PTCD1: variants seen among roughly 807,000 people sequenced by gnomAD.
The protein encoded by PTCD1 is pentatricopeptide repeat domain 1.
PTCD1 carries 50 observed loss-of-function variants against 53.4 expected under a neutral mutation model. That is an observed-to-expected ratio of 0.94 (90% CI 0.75 to 1.19). The LOEUF is 1.19. Ranked by LOEUF, PTCD1 falls within the 50% of genes most tolerant of loss-of-function variation. The pLI is 0.00. For synonymous variants in PTCD1, 413 were observed against 394.8 expected (o/e 1.05, Z -0.55); for missense variants, 918 against 904.8 (o/e 1.01, Z -0.19).
At chr7:99,421,842 G>A (rs1795836750) in intron 7 of PTCD1, among the ~76,000 whole-genome samples, 1 of 152,186 alleles carries the variant, frequency 6.6e-6, no homozygotes, top group Non-Finnish European at 1.5e-5. Flanking sequence ...TATACATTCA[G>A]TAGAAACTAA....
intron 2 of PTCD1, among the ~76,000 whole-genome samples, chr7:99,433,806 C>G (rs1015352619): frequency 6.6e-6 from 1 of 152,128 alleles, no homozygotes; most frequent in Non-Finnish European, 1.5e-5. Context: ...GTAATCCCAG[C>G]ACTTTGGGAG....
Position 99,417,611 on chromosome 7 carries a change from C to G in PTCD1, c.*2356G>C. On this transcript the variant is annotated 3_prime_UTR_variant, in exon 8 of 8. Coordinates refer to ENST00000292478, the MANE Select transcript of PTCD1 (RefSeq NM_015545.4). ...GCTGGAAGTGGTAATGTCTGACACT[C>G]AAGCTTGGTGTTGTTTTCAGCTCAA... 3.7e-6 allele frequency: 6 copies of G among 1,609,300 alleles called. No individual in the cohort carries two copies. Among genetic ancestry groups the G allele is most frequent in the Non-Finnish European group, 5.1e-6 (6 of 1,179,970 alleles).
At position 99,420,080 on chromosome 7, in the gene PTCD1, C is replaced by G; in HGVS notation, c.1990G>C (p.Val664Leu). The G allele has an allele frequency of 1.2e-6, 2 of 1,614,242 alleles. No homozygotes were observed. The highest frequency in any genetic ancestry group is 2.2e-5 in the South Asian group (2 of 91,092). The change falls in exon 8 of 8, where the codon GTG (valine) becomes CTG (leucine). Residue 664 changes from valine (V) to leucine (L), a missense_variant. Transcript: ENST00000292478. ...TGCGGGGTTTCCTCTGCGGGCATCA[C>G]TGTCAGCCACTGCTTGTAATAGGCT... is the stretch of plus-strand genomic sequence containing the variant. ...FRAYYKQWLTVMPAEETPHPW... is the reference protein window; with the variant it reads ...FRAYYKQWLTLMPAEETPHPW...
At chr7:99,434,721 AC>A in intron 2 of PTCD1, 68 bp downstream of exon 2, 1 of 1,596,306 alleles carries the variant, frequency 6.3e-7, no homozygotes, top group African/African-American at 1.3e-5. Context: ...AAGTCAGGTG[AC>A]CCCTTGCAAA....
chr7:99,423,839 G>A lies in PTCD1; in HGVS notation c.1856C>T (p.Pro619Leu), dbSNP rs374595581. The change falls in exon 7 of 8, where the codon CCG (proline) becomes CTG (leucine). Residue 619 changes from proline to leucine, a missense_variant. By Grantham distance (98) the Pro-to-Leu change is moderately conservative (BLOSUM62 -3). Coordinates refer to ENST00000292478, the MANE Select transcript of PTCD1 (RefSeq NM_015545.4). ...ILKDMKQNRV[P>L]VNEVVIRQLE... Reference sequence around the variant, plus strand: ...CTGGCGGATGACCACTTCGTTCACCGGGACCCTGTTCTGCTTCATGTCCTT... The same window carrying A: ...CTGGCGGATGACCACTTCGTTCACCAGGACCCTGTTCTGCTTCATGTCCTT... 49 of 1,614,046 alleles carry A rather than the reference G, an allele frequency of 3.0e-5. No homozygotes were observed. The highest frequency in any genetic ancestry group is 5.0e-5 in the Admixed American group (3 of 60,002).
Position 99,424,792 on chromosome 7 carries a change from C to A in PTCD1, c.1737+3G>T. On this transcript the variant is annotated splice_donor_region_variant and intron_variant, in intron 6 of 7. Transcript: ENST00000292478. ...TGTCCTGCCCAGGCCCGAGTCCACT[C>A]ACCTTCATGTCTGTGAGAAGCTGTA... 7 of 1,614,174 alleles carry A rather than the reference C, an allele frequency of 4.3e-6. No individual in the cohort carries two copies. The highest frequency in any genetic ancestry group is 5.1e-6 in the Non-Finnish European group (6 of 1,180,030).
rs1431399067 is a variant in PTCD1 at position 99,417,454 on chromosome 7, A to C, written c.*2513T>G. The C allele has an allele frequency of 6.2e-7, 1 of 1,613,558 alleles. No homozygotes were observed. Among genetic ancestry groups the C allele is most frequent in the African/African-American group, 1.3e-5 (1 of 74,900 alleles). ...AACTCTATGAATATTGTATTAAAGA[A>C]GGCTATGCAGACAAAAACCTGATTG... On this transcript the variant is annotated 3_prime_UTR_variant, in exon 8 of 8. Transcript: ENST00000292478.
At chr7:99,426,146 C>CT (rs915090698) in intron 5 of PTCD1, among the ~76,000 whole-genome samples, 8 of 141,334 alleles carry the variant, frequency 5.7e-5, no homozygotes, top group Non-Finnish European at 1.2e-4. Flanking sequence ...CATGGTCTCC[C>CT]TCTCCCTCTC....
chr7:99,421,410 AGAGT>A (rs1308095488), intron 7 of PTCD1, among the ~76,000 whole-genome samples: 2 of 150,588 alleles, frequency 1.3e-5, no homozygotes, highest in African/African-American at 2.5e-5. Context: ...CCTGGGCAAC[AGAGT>A]GATTCCCGTC....
chr7:99,426,811 A>G (rs1261369591), intron 5 of PTCD1, among the ~76,000 whole-genome samples: 3 of 147,212 alleles, frequency 2.0e-5, no homozygotes, highest in Admixed American at 2.0e-4. Flanking sequence ...AGATGTGGGG[A>G]GCGCCTCTGC....
At chr7:99,430,518 A>G (rs1796213820) in intron 3 of PTCD1, among the ~76,000 whole-genome samples, 1 of 152,194 alleles carries the variant, frequency 6.6e-6, no homozygotes, top group South Asian at 2.1e-4. Context: ...CTCAAATCCC[A>G]GCCCCGGTGC....
At chr7:99,422,103 T>C (rs569899935) in intron 7 of PTCD1, among the ~76,000 whole-genome samples, 7 of 152,078 alleles carry the variant, frequency 4.6e-5, no homozygotes, top group Non-Finnish European at 5.9e-5. Flanking sequence ...CCAGAATATA[T>C]AAAAAACCCT....
chr7:99,435,780 A>C (rs1468856690), intron 1 of PTCD1, among the ~76,000 whole-genome samples: 1 of 150,860 alleles, frequency 6.6e-6, no homozygotes, highest in East Asian at 2.0e-4. Context: ...CTAAAAATAC[A>C]AAAAACATGA....
intron 4 of PTCD1, 151 bp downstream of exon 4, chr7:99,429,437 A>G: frequency 7.9e-7 from 1 of 1,261,478 alleles, no homozygotes; most frequent in Non-Finnish European, 1.1e-6. Context: ...GTAAGGTCTC[A>G]TCAGATCCAT....
rs140603490 is a variant in PTCD1, at chr7:99,432,038, A to T, written c.594+1240T>A. ...TCTCCAATCTCGAGTACCCAGGGACACAATACACTGCGGAAGGCCGCAGGG... is the reference window on the plus strand; with the variant it reads ...TCTCCAATCTCGAGTACCCAGGGACTCAATACACTGCGGAAGGCCGCAGGG... On this transcript the variant is annotated intron_variant, in intron 3 of 7. Transcript: ENST00000292478. Among the ~76,000 whole-genome samples the T allele has an allele frequency of 1.5e-4, 23 of 152,364 alleles. No homozygotes were observed. The East Asian group carries it at 3.9e-3, about 26-fold the overall frequency.
rs777731425 is a variant in PTCD1 at position 99,429,183 on chromosome 7, C to T, written c.835G>A (p.Val279Met). The T allele has an allele frequency of 9.9e-6, 16 of 1,614,012 alleles. No individual in the cohort carries two copies. The highest frequency in any genetic ancestry group is 1.6e-4 in the Middle Eastern group (1 of 6,084). ...AAACTGAAGGTCTCCTCTGTGACCA[C>T]GTGCCCTTTGTGGATGATTTCCTGG... The part of the protein sequence containing the change: ...VFKEIIHKGH[V>M]VTEETFSFLL... The change falls in exon 5 of 8, where the codon GTG (valine) becomes ATG (methionine). Residue 279 changes from valine to methionine, a missense_variant. Coordinates refer to ENST00000292478, the MANE Select transcript of PTCD1 (RefSeq NM_015545.4).
In PTCD1 at chr7:99,425,570, C is replaced by T; in HGVS notation, c.962G>A (p.Ser321Asn). The T allele has an allele frequency of 6.2e-7, 1 of 1,612,334 alleles. No homozygotes were observed. Among genetic ancestry groups the T allele is most frequent in the East Asian group, 2.2e-5 (1 of 44,890 alleles). ...LSLGLQPSRD[S>N]YNLLLVAARD... Reference sequence around the variant, plus strand: ...AGCTGCCACCAACAGCAGGTTGTAGCTGTCCCGGCTCGGCTGTAGCCCTAG... The same window carrying T: ...AGCTGCCACCAACAGCAGGTTGTAGTTGTCCCGGCTCGGCTGTAGCCCTAG... The change falls in exon 6 of 8, where the codon AGC (serine) becomes AAC (asparagine). Residue 321 changes from serine to asparagine, a missense_variant. Ser to Asn is a conservative substitution (Grantham distance 46). Transcript: ENST00000292478.
chr7:99,423,352 A>G (rs757800656), intron 7 of PTCD1, among the ~76,000 whole-genome samples: 5 of 152,136 alleles, frequency 3.3e-5, no homozygotes, highest in Non-Finnish European at 7.4e-5. Context: ...AGACTGTAGG[A>G]CACGGCATAA....
chr7:99,423,622 G>T (rs1795910512), intron 7 of PTCD1, among the ~76,000 whole-genome samples, 153 bp downstream of exon 7: 2 of 152,082 alleles, frequency 1.3e-5, no homozygotes, highest in Non-Finnish European at 2.9e-5. Flanking sequence ...GCAGGCTGTG[G>T]TCTACAGACT....
Sources: allele counts gnomAD v4.1 joint callset (sites outside exome capture counted in the v4.1 genomes callset), GRCh38; gene constraint gnomAD v4.1.1; transcripts MANE v1.5; gene names NCBI Gene and HGNC (gene_info 2026-07-23, HGNC 2026-07-21).